Variants in RPS6KC1 observed in about 807,000 individuals in gnomAD.
RPS6KC1 encodes inactive ribosomal protein S6 kinase delta-1.
RPS6KC1 carries 54 observed loss-of-function variants against 103.8 expected under a neutral mutation model. That is an observed-to-expected ratio of 0.52 (90% confidence interval 0.42 to 0.65). The LOEUF is 0.65. Among genes scored for constraint, RPS6KC1 ranks in the 30% least tolerant of loss-of-function variants. RPS6KC1 has a pLI of 0.00. For synonymous variants in RPS6KC1, 439 were observed against 438.7 expected, an observed-to-expected ratio of 1.00 and a Z score of -0.01; for missense variants, 1,151 against 1,253.8, an observed-to-expected ratio of 0.92 and a Z score of 1.24.
the RPS6KC1 span, among the ~76,000 whole-genome samples, chr1:213,530,350 C>A: frequency 6.6e-6 from 1 of 152,198 alleles, no homozygotes; most frequent in African/African-American, 2.4e-5. Flanking sequence ...CAGGGAAATG[C>A]CTTGGGCATC....
At chr1:213,604,513 A>G in the RPS6KC1 span, among the ~76,000 whole-genome samples, 6 of 152,174 alleles carry the variant, frequency 3.9e-5, no homozygotes, top group African/African-American at 1.4e-4. Context: ...GTTCTGTGTC[A>G]TTGAACCCCC....
At chr1:213,624,408 T>C in the RPS6KC1 span, among the ~76,000 whole-genome samples, 1 of 152,208 alleles carries the variant, frequency 6.6e-6, no homozygotes, top group Non-Finnish European at 1.5e-5. Flanking sequence ...AAGAGGAGAC[T>C]ATGAAAGCGA....
chr1:213,701,698 A>G, the RPS6KC1 span, among the ~76,000 whole-genome samples: 1 of 151,976 alleles, frequency 6.6e-6, no homozygotes, highest in African/African-American at 2.4e-5. Context: ...ATTTGTTAGC[A>G]TATAGTCACT....
chr1:213,417,732 T>G, the RPS6KC1 span, among the ~76,000 whole-genome samples: 1 of 152,132 alleles, frequency 6.6e-6, no homozygotes, highest in Non-Finnish European at 1.5e-5. Context: ...CAGCCAGGAC[T>G]AGGGAGAAGT....
At chr1:213,566,894 TAAA>T in the RPS6KC1 span, among the ~76,000 whole-genome samples, 1 of 152,210 alleles carries the variant, frequency 6.6e-6, no homozygotes, top group African/African-American at 2.4e-5. Flanking sequence ...TATCAGGAGT[TAAA>T]ATTCTGCTAT....
At chr1:213,536,019 A>G in the RPS6KC1 span, among the ~76,000 whole-genome samples, 3 of 152,096 alleles carry the variant, frequency 2.0e-5, no homozygotes, top group African/African-American at 4.8e-5. Context: ...GAAGGCAGCC[A>G]ATAGTGTTCC....
At chr1:213,509,347 T>C in the RPS6KC1 span, among the ~76,000 whole-genome samples, 1 of 152,164 alleles carries the variant, frequency 6.6e-6, no homozygotes, top group African/African-American at 2.4e-5. Flanking sequence ...ATCCTTTTTT[T>C]TTTTCTTCTA....
the RPS6KC1 span, among the ~76,000 whole-genome samples, chr1:213,720,817 T>C: frequency 2.0e-5 from 3 of 152,258 alleles, no homozygotes; most frequent in Non-Finnish European, 4.4e-5. Flanking sequence ...TATAATCTTA[T>C]GCAACTGAGA....
chr1:213,259,620 C>G (rs945405036), intron 12 of RPS6KC1, among the ~76,000 whole-genome samples: 3 of 151,970 alleles, frequency 2.0e-5, no homozygotes, highest in African/African-American at 7.2e-5. Context: ...TGTTTTCTTA[C>G]CAGTCTTTTT....
the RPS6KC1 span, among the ~76,000 whole-genome samples, chr1:213,718,709 C>G: frequency 6.6e-6 from 1 of 152,242 alleles, no homozygotes; most frequent in African/African-American, 2.4e-5. Flanking sequence ...CCATCAACCT[C>G]TGTTTCTTGA....
At chr1:213,118,577 G>A (rs941613449) in intron 5 of RPS6KC1, among the ~76,000 whole-genome samples, 16 of 152,150 alleles carry the variant, frequency 1.1e-4, no homozygotes, top group Admixed American at 7.2e-4. Context: ...TAAATCTCTT[G>A]CAGTAAATTT....
At chr1:213,751,618 G>A in the RPS6KC1 span, among the ~76,000 whole-genome samples, 10 of 152,264 alleles carry the variant, frequency 6.6e-5, no homozygotes, top group African/African-American at 1.9e-4. Flanking sequence ...GCAGGTGAGT[G>A]CCCCAGAGGA....
chr1:213,161,315 T>G (rs1189318444), intron 6 of RPS6KC1, among the ~76,000 whole-genome samples: 1 of 152,112 alleles, frequency 6.6e-6, no homozygotes, highest in Non-Finnish European at 1.5e-5. Flanking sequence ...AGAGTATTAC[T>G]TGACTCATTC....
the RPS6KC1 span, among the ~76,000 whole-genome samples, chr1:213,773,352 T>C: frequency 0.077 from 11,611 of 151,330 alleles, 900 homozygotes; most frequent in African/African-American, 0.19. Context: ...GAAGATGGAG[T>C]GGATTCTGAG....
rs529023107 is a variant in RPS6KC1, at chr1:213,168,686, G to A, written c.951+713G>A. 5.9e-5 allele frequency among the ~76,000 whole-genome samples: 9 copies of A among 151,804 alleles called. 1 individual carries two copies. The South Asian group carries it at 1.9e-3, about 32-fold the overall frequency. On this transcript the variant is annotated intron_variant, in intron 7 of 14. Coordinates refer to ENST00000366960, the MANE Select transcript of RPS6KC1 (RefSeq NM_012424.6). ...CCCCCAGACTGGAGTGCAGTGGCAC[G>A]ATCTAGGCTCACTGCAAGCTCCGCC...
the RPS6KC1 span, among the ~76,000 whole-genome samples, chr1:213,483,120 G>A: frequency 2.0e-5 from 3 of 152,092 alleles, no homozygotes; most frequent in Admixed American, 1.3e-4. Context: ...TGGTGGAAGG[G>A]GAAGCAAACA....
the RPS6KC1 span, among the ~76,000 whole-genome samples, chr1:213,606,183 G>A: frequency 6.6e-6 from 1 of 152,194 alleles, no homozygotes; most frequent in Non-Finnish European, 1.5e-5. Flanking sequence ...AATTTCCCAA[G>A]GGATGGAGAA....
chr1:213,214,896 C>A (rs1264415115), intron 8 of RPS6KC1, among the ~76,000 whole-genome samples: 2 of 152,058 alleles, frequency 1.3e-5, no homozygotes, highest in East Asian at 3.9e-4. Context: ...TCATCACAGA[C>A]CAAAGGTAGA....
chr1:213,436,272 C>A, the RPS6KC1 span, among the ~76,000 whole-genome samples: 9 of 152,226 alleles, frequency 5.9e-5, no homozygotes, highest in African/African-American at 2.2e-4. Context: ...GACTGCATTT[C>A]GAGTGTTCAA....
Sources: gnomAD v4.1 joint callset for allele counts (sites outside exome capture counted in the v4.1 genomes callset) on GRCh38, gnomAD v4.1.1 for gene constraint, MANE v1.5 for transcripts, NCBI Gene and HGNC (gene_info 2026-07-23, HGNC 2026-07-21) for gene names.